FSTL5: variants seen among roughly 807,000 people sequenced by gnomAD.
FSTL5 encodes the protein follistatin-related protein 5.
Under a neutral mutation model 89.1 loss-of-function variants are expected in FSTL5, and 62 were observed. The ratio of observed to expected loss-of-function variants is 0.70; its 90% CI spans 0.57 to 0.86. The LOEUF (loss-of-function observed/expected upper bound fraction) is 0.86, where lower values mean the gene tolerates loss of function less well. Ranked by LOEUF, FSTL5 falls within the 40% of genes least tolerant of loss-of-function variation. The pLI is 0.00. For missense variants in FSTL5, 1,057 were observed against 1,001.6 expected, an observed-to-expected ratio of 1.06 and a Z score of -0.75; for synonymous variants, 383 against 346.2, an observed-to-expected ratio of 1.11 and a Z score of -1.18.
At chr4:161,540,511 T>A (rs776577426) in intron 9 of FSTL5, among the ~76,000 whole-genome samples, 45 of 152,258 alleles carry the variant, frequency 3.0e-4, no homozygotes, top group South Asian at 2.5e-3. Context: ...CTTGATTTAT[T>A]TCTCACAGGA....
At chr4:161,710,793 A>C (rs2126739424) in intron 6 of FSTL5, among the ~76,000 whole-genome samples, 1 of 152,310 alleles carries the variant, frequency 6.6e-6, no homozygotes, top group Admixed American at 6.5e-5. Flanking sequence ...AATCTGATTA[A>C]TTTATATGTA....
intron 3 of FSTL5, among the ~76,000 whole-genome samples, chr4:161,997,685 A>G (rs1736337981): frequency 6.7e-6 from 1 of 149,704 alleles, no homozygotes; most frequent in African/African-American, 2.5e-5. Context: ...GCCCACTGCA[A>G]GCTCCGCCTC....
chr4:162,107,332 A>T lies in FSTL5; in HGVS notation c.126+3939T>A, dbSNP rs185376767. ...TATGCCATGAGAATATTCATATAAT[A>T]AAGTAACCTAATGTATGGAATATAG... On this transcript the variant is annotated intron_variant, in intron 2 of 15. Coordinates refer to ENST00000306100, the MANE Select transcript of FSTL5 (RefSeq NM_020116.5). Among the ~76,000 whole-genome samples the T allele has an allele frequency of 3.7e-3, 558 of 152,302 alleles. 8 individuals are homozygous for T. Among genetic ancestry groups the T allele is most frequent in the African/African-American group, 0.013 (541 of 41,574 alleles).
intron 6 of FSTL5, among the ~76,000 whole-genome samples, chr4:161,667,882 T>C (rs936591749): frequency 6.6e-6 from 1 of 151,942 alleles, no homozygotes; most frequent in Non-Finnish European, 1.5e-5. Context: ...GAGAAAACAA[T>C]CATTTTAAAA....
In FSTL5 at chr4:162,069,187, C is replaced by G. The variant is rs58838457; in HGVS notation, c.127-35529G>C. 2.8e-4 allele frequency among the ~76,000 whole-genome samples: 43 copies of G among 151,952 alleles called. 1 individual carries two copies. In the East Asian group the frequency reaches 8.0e-3, roughly 28 times the overall value. ...AGTCCTTTGATTTTCTATAACACATCTAAAATGAACTGTACTCATTAAAGC... is the reference window on the plus strand; with the variant it reads ...AGTCCTTTGATTTTCTATAACACATGTAAAATGAACTGTACTCATTAAAGC... On this transcript the variant is annotated intron_variant, in intron 2 of 15. Transcript: ENST00000306100.
At chr4:162,025,848 C>A (rs1426371903) in intron 3 of FSTL5, among the ~76,000 whole-genome samples, 1 of 151,260 alleles carries the variant, frequency 6.6e-6, no homozygotes, top group Non-Finnish European at 1.5e-5. Context: ...AGGTATAATA[C>A]CACTTACAGA....
rs755349184 is a variant in FSTL5 at position 161,500,051 on chromosome 4, G to C, written c.1423C>G (p.His475Asp). 7 of 1,609,744 alleles carry C rather than the reference G, an allele frequency of 4.3e-6. No homozygotes were observed. In the East Asian group the frequency reaches 1.3e-4, roughly 31 times the overall value. Residue 475 changes from histidine to aspartate, a missense_variant, in exon 12 of 16, where the codon CAC becomes GAC. Physicochemically the swap from His to Asp is moderately conservative, Grantham distance 81 (BLOSUM62 -1). Coordinates refer to ENST00000306100, the MANE Select transcript of FSTL5 (RefSeq NM_020116.5). ...IQPIECEFQRHIKPSEKLLGF... is the reference protein window; with the variant it reads ...IQPIECEFQRDIKPSEKLLGF... ...AGGAGCTTTTCACTAGGCTTAATGT[G>C]CCTCTGAAATTCACATTCTATGGGT...
At chr4:162,023,205 A>T (rs2111163782) in intron 3 of FSTL5, among the ~76,000 whole-genome samples, 1 of 152,266 alleles carries the variant, frequency 6.6e-6, no homozygotes, top group Non-Finnish European at 1.5e-5. Context: ...AAGATTTCCT[A>T]GGACCTGCAA....
intron 15 of FSTL5, among the ~76,000 whole-genome samples, chr4:161,431,455 A>T (rs1732366274): frequency 2.0e-5 from 3 of 151,912 alleles, no homozygotes; most frequent in Admixed American, 1.3e-4. Context: ...AAATAAAAAA[A>T]AAAACAGATA....
chr4:161,507,345 T>C (rs1334570170), intron 11 of FSTL5, among the ~76,000 whole-genome samples: 4 of 151,828 alleles, frequency 2.6e-5, no homozygotes, highest in South Asian at 4.2e-4. Flanking sequence ...ATACTGAAAA[T>C]GAAAACAAAT....
intron 15 of FSTL5, among the ~76,000 whole-genome samples, chr4:161,418,316 A>G (rs1209505839): frequency 1.3e-5 from 2 of 152,198 alleles, no homozygotes. Context: ...AAATGAATGA[A>G]TATAAATTAC....
At chr4:161,873,827 T>G (rs1298867205) in intron 4 of FSTL5, among the ~76,000 whole-genome samples, 1 of 152,010 alleles carries the variant, frequency 6.6e-6, no homozygotes. Context: ...ATATTTTTGT[T>G]GTTCACCACT....
chr4:161,552,435 T>C (rs1398949698), intron 8 of FSTL5: 3 of 151,678 alleles, frequency 2.0e-5, no homozygotes, highest in African/African-American at 4.8e-5. Context: ...ATAAGAGCAA[T>C]AGATAACACA....
chr4:162,118,552 C>T (rs1731738499), intron 1 of FSTL5, among the ~76,000 whole-genome samples: 2 of 152,234 alleles, frequency 1.3e-5, no homozygotes, highest in South Asian at 4.1e-4. Context: ...TGAGAAGAGT[C>T]CAGTTTTATA....
chr4:161,404,328 C>A (rs771819506), intron 15 of FSTL5, among the ~76,000 whole-genome samples: 4 of 151,988 alleles, frequency 2.6e-5, no homozygotes, highest in Non-Finnish European at 4.4e-5. Context: ...AGGATTATTT[C>A]GAAAAATGAA....
intron 10 of FSTL5, among the ~76,000 whole-genome samples, chr4:161,525,555 A>G (rs904974954): frequency 2.6e-5 from 4 of 152,188 alleles, no homozygotes; most frequent in Non-Finnish European, 4.4e-5. Flanking sequence ...GTTTGGTTCA[A>G]TACAAATACT....
intron 15 of FSTL5, among the ~76,000 whole-genome samples, chr4:161,396,533 A>T (rs2110891463): frequency 6.6e-6 from 1 of 151,882 alleles, no homozygotes; most frequent in African/African-American, 2.4e-5. Context: ...ATGTGCCTGT[A>T]ATCCCAGCTA....
chr4:161,683,284 T>C (rs973293843), intron 6 of FSTL5, among the ~76,000 whole-genome samples: 2 of 150,508 alleles, frequency 1.3e-5, no homozygotes, highest in Non-Finnish European at 3.0e-5. Context: ...TTTGGCTCCA[T>C]GGTAATCTTA....
intron 4 of FSTL5, among the ~76,000 whole-genome samples, chr4:161,796,684 C>A (rs975295854): frequency 2.8e-4 from 42 of 151,406 alleles, no homozygotes; most frequent in African/African-American, 9.2e-4. Context: ...TTAACCAGTT[C>A]GAAATGTATG....
Sources: allele counts gnomAD v4.1 joint callset (sites outside exome capture counted in the v4.1 genomes callset), GRCh38; gene constraint gnomAD v4.1.1; transcripts MANE v1.5; gene names NCBI Gene and HGNC (gene_info 2026-07-23, HGNC 2026-07-21).